Variants in CSMD1 observed in about 807,000 individuals in gnomAD.
CSMD1 encodes the protein CUB and Sushi multiple domains 1.
Under a neutral mutation model 417.5 loss-of-function variants are expected in CSMD1, and 213 were observed. The observed-to-expected ratio is 0.51, with a 90% confidence interval of 0.46 to 0.57. CSMD1 has a LOEUF of 0.57. Ranked by LOEUF, CSMD1 falls within the 20% of genes least tolerant of loss-of-function variation. CSMD1 has a pLI of 0.00. For missense variants in CSMD1, 6,923 were observed against 4,529.7 expected (o/e 1.53, Z -15.17); for synonymous variants, 2,862 against 1,736.8 (o/e 1.65, Z -16.11).
chr8:4,325,984 C>G (rs1450738730), intron 3 of CSMD1, among the ~76,000 whole-genome samples: 2 of 152,110 alleles, frequency 1.3e-5, no homozygotes, highest in African/African-American at 2.4e-5. Flanking sequence ...TTTCCTTCAC[C>G]TGGGGTACGA....
intron 54 of CSMD1, among the ~76,000 whole-genome samples, chr8:2,979,369 G>A (rs1472379010): frequency 1.3e-5 from 2 of 152,220 alleles, no homozygotes; most frequent in Non-Finnish European, 2.9e-5. Context: ...TTAGAAACAG[G>A]TCCGTGGTGA....
chr8:4,739,772 C>G (rs567871150), intron 1 of CSMD1, among the ~76,000 whole-genome samples: 61 of 152,264 alleles, frequency 4.0e-4, no homozygotes, highest in African/African-American at 1.4e-3. Context: ...TCTCCAGTCC[C>G]TCTCTTTGGA....
chr8:3,350,539 T>C (rs1360641927), intron 21 of CSMD1, among the ~76,000 whole-genome samples: 1 of 152,158 alleles, frequency 6.6e-6, no homozygotes, highest in East Asian at 1.9e-4. Context: ...AACACTTACA[T>C]GTACTTTAAA....
At chr8:3,393,910 G>C (rs1221972204) in intron 17 of CSMD1, among the ~76,000 whole-genome samples, 3 of 149,474 alleles carry the variant, frequency 2.0e-5, no homozygotes, top group Non-Finnish European at 3.0e-5. Flanking sequence ...AATGGGTGCA[G>C]CACACCAACA....
chr8:3,461,244 G>A (rs924148449), intron 12 of CSMD1, among the ~76,000 whole-genome samples: 8 of 152,200 alleles, frequency 5.3e-5, no homozygotes, highest in Non-Finnish European at 1.0e-4. Flanking sequence ...TACTGACCCC[G>A]AGACCTGGCA....
chr8:2,961,531 G>A (rs945908081), intron 61 of CSMD1, among the ~76,000 whole-genome samples: 3 of 151,442 alleles, frequency 2.0e-5, no homozygotes, highest in Non-Finnish European at 2.9e-5. Context: ...CTTCAATAAT[G>A]ACCTATCACT....
chr8:4,249,895 G>A (rs569057687), intron 3 of CSMD1, among the ~76,000 whole-genome samples: 3 of 152,188 alleles, frequency 2.0e-5, no homozygotes, highest in South Asian at 2.1e-4. Context: ...CAATGAGGCA[G>A]TGCTAGAAGC....
chr8:3,465,509 G>A (rs972939255), intron 12 of CSMD1, among the ~76,000 whole-genome samples: 1 of 152,150 alleles, frequency 6.6e-6, no homozygotes. Context: ...CTGGCAGGGG[G>A]TAGTGGGGGT....
intron 2 of CSMD1, among the ~76,000 whole-genome samples, chr8:4,424,684 G>T (rs183325240): frequency 2.0e-5 from 3 of 151,968 alleles, no homozygotes; most frequent in African/African-American, 4.8e-5. Flanking sequence ...AACGAAACAC[G>T]TAACTGCCAT....
At chr8:3,453,426 C>T (rs1056222725) in intron 12 of CSMD1, among the ~76,000 whole-genome samples, 8 of 152,006 alleles carry the variant, frequency 5.3e-5, no homozygotes, top group African/African-American at 1.2e-4. Flanking sequence ...TTAGATCTTG[C>T]CTGCTTTCTC....
intron 3 of CSMD1, among the ~76,000 whole-genome samples, chr8:4,249,461 C>T (rs188355158): frequency 2.0e-5 from 3 of 152,242 alleles, no homozygotes; most frequent in Admixed American, 6.5e-5. Flanking sequence ...GGAGACAGTG[C>T]GTGATGTAAA....
chr8:3,299,908 C>T (rs1029791696), intron 25 of CSMD1, among the ~76,000 whole-genome samples: 2 of 152,152 alleles, frequency 1.3e-5, no homozygotes, highest in African/African-American at 4.8e-5. Context: ...TATATCTACT[C>T]CTTTTAGAGG....
chr8:3,772,396 C>CATATATACATATATTTATATATAT (rs1246977888), intron 5 of CSMD1, among the ~76,000 whole-genome samples: 2 of 68,410 alleles, frequency 2.9e-5, no homozygotes, highest in African/African-American at 8.4e-5. Flanking sequence ...TTTATATATA[C>CATATATACATATATTTATATATAT]ACATATATAC....
At chr8:3,296,915 T>C (rs1005901109) in intron 25 of CSMD1, among the ~76,000 whole-genome samples, 30 of 152,236 alleles carry the variant, frequency 2.0e-4, no homozygotes, top group African/African-American at 6.5e-4. Context: ...TTCACGTAAG[T>C]TGGAGTTTCA....
At chr8:3,375,739 G>A (rs1810266159) in intron 18 of CSMD1, among the ~76,000 whole-genome samples, 1 of 151,940 alleles carries the variant, frequency 6.6e-6, no homozygotes, top group Non-Finnish European at 1.5e-5. Context: ...AAAACCCTGG[G>A]GTCCTCACAG....
At chr8:4,921,737 T>C (rs1563772244) in intron 1 of CSMD1, among the ~76,000 whole-genome samples, 1 of 152,184 alleles carries the variant, frequency 6.6e-6, no homozygotes, top group African/African-American at 2.4e-5. Flanking sequence ...ACAAAATGTG[T>C]TCCTTGTTGT....
In CSMD1 at chr8:3,289,358, G is replaced by T. The variant is rs1490289107; in HGVS notation, c.3951-5012C>A. Among the ~76,000 whole-genome samples, 30 of 147,164 alleles carry T rather than the reference G, an allele frequency of 2.0e-4. 5 individuals are homozygous for T. The highest frequency in any genetic ancestry group is 7.8e-4 in the African/African-American group (29 of 36,952). ...TATATACCCAGTAATGGGATGGCTG[G>T]GTCAAATGGTATTTCTAGTTCTAGA... On this transcript the variant is annotated intron_variant, in intron 25 of 69. Coordinates refer to ENST00000635120, the MANE Select transcript of CSMD1 (RefSeq NM_033225.6).
chr8:4,110,679 A>G (rs1422593908), intron 3 of CSMD1, among the ~76,000 whole-genome samples: 2 of 151,922 alleles, frequency 1.3e-5, no homozygotes, highest in East Asian at 1.9e-4. Context: ...GTTACCTAAG[A>G]AAATGTTTTG....
intron 1 of CSMD1, chr8:4,788,472 C>A: frequency 1.5e-6 from 2 of 1,314,506 alleles, no homozygotes; most frequent in Non-Finnish European, 2.2e-6. Flanking sequence ...CAATTTACTG[C>A]TCAGATATTT....
Sources: allele counts gnomAD v4.1 joint callset (sites outside exome capture counted in the v4.1 genomes callset), GRCh38; gene constraint gnomAD v4.1.1; transcripts MANE v1.5; gene names NCBI Gene and HGNC (gene_info 2026-07-23, HGNC 2026-07-21).